Variants in NUMA1 observed in about 807,000 individuals in gnomAD.
The protein encoded by NUMA1 is SP-H antigen.
In NUMA1, 62 loss-of-function variants were observed where a neutral mutation model predicts 237.1. The ratio of observed to expected loss-of-function variants is 0.26; its 90% CI spans 0.21 to 0.32. NUMA1 has a LOEUF of 0.32. Among genes scored for constraint, NUMA1 ranks in the 10% least tolerant of loss-of-function variants. The pLI is 1.00. For missense variants in NUMA1, 2,533 were observed against 2,666.5 expected (o/e 0.95, Z 1.10); for synonymous variants, 1,028 against 1,066.1 (o/e 0.96, Z 0.70).
chr11:72,023,738 C>T (rs555057230), intron 5 of NUMA1, among the ~76,000 whole-genome samples: 1 of 152,192 alleles, frequency 6.6e-6, no homozygotes, highest in South Asian at 2.1e-4. Flanking sequence ...AGAAGCTTTG[C>T]ATGTGTTCTT....
At chr11:72,005,885 C>T (rs1034687378) in intron 22 of NUMA1, 150 bp downstream of exon 22, 16 of 683,826 alleles carry the variant, frequency 2.3e-5, no homozygotes, top group Middle Eastern at 4.2e-4. Flanking sequence ...TAAGGAAGGC[C>T]CTGAGGCTGC....
intron 22 of NUMA1, chr11:72,005,697 C>A: frequency 2.0e-6 from 1 of 493,282 alleles, no homozygotes. Flanking sequence ...CCCTGGTGCC[C>A]AAAGGACAAG....
Position 72,015,858 on chromosome 11 carries a change from G to A in NUMA1, c.1645C>T (p.Leu549Phe). Residue 549 changes from leucine (L) to phenylalanine (F), a missense_variant, in exon 15 of 27, where the codon CTC (leucine) becomes TTC (phenylalanine). This residue lies in a region of NUMA1 where 1,414 missense variants were observed against 1,508.1 expected (regional missense o/e 0.94). Coordinates refer to ENST00000393695, the MANE Select transcript of NUMA1 (RefSeq NM_006185.4). The surrounding 1 kb of genome is among the most constrained non-coding windows in gnomAD (Gnocchi z 4.0). ...CTTAGCTGCTCCACCTGGTGGCGGA[G>A]GCCCTGGGAGGCCTGTTCTTGCTGT... is the stretch of plus-strand genomic sequence containing the variant. ...LQQQEQASQG[L>F]RHQVEQLSSS... 5.6e-6 allele frequency: 9 copies of A among 1,614,202 alleles called. No homozygotes were observed. The highest frequency in any genetic ancestry group is 6.8e-6 in the Non-Finnish European group (8 of 1,180,044).
chr11:72,065,401 C>T (rs1943153682), intron 2 of NUMA1: 1 of 151,666 alleles, frequency 6.6e-6, no homozygotes, highest in Admixed American at 6.6e-5. Flanking sequence ...TATGCAGCCA[C>T]TACAAATATT....
Position 72,022,324 on chromosome 11 carries a change from G to A in NUMA1, c.372+15C>T. The stretch of plus-strand genomic sequence containing the variant: ...GGCTAGGCCTGCTAGGTGGCATGGA[G>A]GCACAAGGGCTTACCTGAATTTTAT... On this transcript the variant is annotated intron_variant, in intron 7 of 26. Transcript: ENST00000393695. 1 of 1,592,556 alleles carries A rather than the reference G, an allele frequency of 6.3e-7. No homozygotes were observed. The highest frequency in any genetic ancestry group is 1.1e-5 in the South Asian group (1 of 90,222).
At chr11:72,031,758 G>C (rs918406445) in intron 3 of NUMA1, among the ~76,000 whole-genome samples, 1 of 152,134 alleles carries the variant, frequency 6.6e-6, no homozygotes, top group African/African-American at 2.4e-5. Context: ...AGGCTACAGC[G>C]AGCTATGATC....
At chr11:72,012,059 A>T (rs866523221) in intron 16 of NUMA1, among the ~76,000 whole-genome samples, 3 of 152,204 alleles carry the variant, frequency 2.0e-5, no homozygotes, top group Non-Finnish European at 2.9e-5. Context: ...GGTATCCTTA[A>T]CTAGACACAG....
At position 72,012,432 on chromosome 11, in the gene NUMA1, A is replaced by G; in HGVS notation, c.4619T>C (p.Leu1540Pro). 9.9e-6 allele frequency: 16 copies of G among 1,613,032 alleles called. No homozygotes were observed. The highest frequency in any genetic ancestry group is 1.3e-5 in the Non-Finnish European group (15 of 1,179,512). ...AGTTTGCTCTCTCTGAAATACCTCT[A>G]GCTGCTCCACCTGTACATGGGGGAG... ...RQKLTAQVEQ[L>P]EVFQREQTKQ... Residue 1540 changes from leucine to proline, a missense_variant, in exon 16 of 27, where the codon CTA becomes CCA. Transcript: ENST00000393695.
At chr11:72,005,164 T>C in intron 23 of NUMA1, 69 bp downstream of exon 23, 1 of 1,480,430 alleles carries the variant, frequency 6.8e-7, no homozygotes. Flanking sequence ...GTGCTCAGGC[T>C]AGATCAGCAG....
intron 2 of NUMA1, among the ~76,000 whole-genome samples, chr11:72,050,144 C>A (rs1942259286): frequency 6.6e-6 from 1 of 152,136 alleles, no homozygotes; most frequent in Admixed American, 6.5e-5. Context: ...GAGCCACACT[C>A]GAGGAACTAC....
intron 2 of NUMA1, among the ~76,000 whole-genome samples, chr11:72,038,916 G>A (rs1036035496): frequency 4.6e-5 from 7 of 151,906 alleles, no homozygotes; most frequent in South Asian, 4.1e-4. Flanking sequence ...AGGCCTCACC[G>A]AGCTGGTAAG....
At chr11:72,009,963 C>T (rs957641685) in intron 17 of NUMA1, among the ~76,000 whole-genome samples, 2 of 152,226 alleles carry the variant, frequency 1.3e-5, no homozygotes, top group Non-Finnish European at 2.9e-5. Context: ...CTGTCCAGAC[C>T]ATAACTCCTT....
intron 2 of NUMA1, among the ~76,000 whole-genome samples, chr11:72,059,434 C>G (rs1402317043): frequency 6.6e-6 from 1 of 152,116 alleles, no homozygotes; most frequent in African/African-American, 2.4e-5. Context: ...CACCACCATA[C>G]CCAGCTAATT....
Position 72,006,050 on chromosome 11 carries a change from T to C in NUMA1, c.5677A>G (p.Ser1893Gly). Residue 1893 changes from serine (S) to glycine (G), a missense_variant, in exon 22 of 27, where the codon AGT becomes GGT. Transcript: ENST00000393695. ...GTCCCCTCACCTGGAGGGGCCCCACTGGACACCCCGGCCTGGGAACGACGA... is the reference window on the plus strand; with the variant it reads ...GTCCCCTCACCTGGAGGGGCCCCACCGGACACCCCGGCCTGGGAACGACGA... ...SARRSQAGVS[S>G]GAPPGRNSFY... The C allele has an allele frequency of 1.9e-6, 3 of 1,612,442 alleles. No individual in the cohort carries two copies. The highest frequency in any genetic ancestry group is 2.5e-6 in the Non-Finnish European group (3 of 1,178,726).
chr11:72,071,268 CA>C (rs139063855), intron 1 of NUMA1, among the ~76,000 whole-genome samples: 4,803 of 152,312 alleles, frequency 0.032, 266 homozygotes, highest in African/African-American at 0.11. Context: ...TTAGACAACA[CA>C]AATAAGTGCT....
At chr11:72,007,739 C>A (rs1456755510) in intron 20 of NUMA1, 21 of 436,942 alleles carry the variant, frequency 4.8e-5, no homozygotes, top group South Asian at 4.4e-4. Flanking sequence ...CTTCTCTGTT[C>A]TTCCTCCTGC....
chr11:72,036,071 C>T (rs1940989282), intron 2 of NUMA1, 96 bp from the exon 3 acceptor site: 3 of 881,094 alleles, frequency 3.4e-6, no homozygotes, highest in East Asian at 2.5e-5. Context: ...ATTCTCAACA[C>T]TTAAATCACT....
chr11:72,013,317 G>A lies in NUMA1; in HGVS notation c.4186C>T (p.Arg1396Trp), dbSNP rs1033354892. 1.2e-6 allele frequency: 2 copies of A among 1,605,392 alleles called. No homozygotes were observed. Residue 1396 changes from arginine to tryptophan, a missense_variant, in exon 15 of 27, where the codon CGG becomes TGG. Physicochemically the swap from Arg to Trp is moderately radical, Grantham distance 101. This residue lies in a region of NUMA1 where 324 missense variants were observed against 407.6 expected (regional missense o/e 0.79). Transcript: ENST00000393695. This position sits in a 1 kb window ranked among gnomAD's most constrained non-coding sequence, Gnocchi z 6.8. ...CGCTGGGCCCGCAGCAGCTCTGCCC[G>A]CAGTCCCCCAGCGGCCTGCTTGCTC... is the stretch of plus-strand genomic sequence containing the variant. ...EQSKQAAGGL[R>W]AELLRAQREL...
At chr11:72,010,033 G>A (rs534204566) in intron 17 of NUMA1, among the ~76,000 whole-genome samples, 1 of 152,228 alleles carries the variant, frequency 6.6e-6, no homozygotes, top group African/African-American at 2.4e-5. Context: ...GCTGTAGATA[G>A]AAGCATCCCC....
Sources: allele counts gnomAD v4.1 joint callset (sites outside exome capture counted in the v4.1 genomes callset), GRCh38; gene constraint gnomAD v4.1.1; regional missense constraint gnomAD v4.1.1; non-coding constraint Gnocchi (gnomAD v3.1); transcripts MANE v1.5; gene names NCBI Gene and HGNC (gene_info 2026-07-23, HGNC 2026-07-21).